Variants in LGSN observed in about 807,000 individuals in gnomAD.
LGSN encodes lengsin, lens protein with glutamine synthetase domain.
Under a neutral mutation model 19.5 loss-of-function variants are expected in LGSN, and 21 were observed. That is an observed-to-expected ratio of 1.07 (90% CI 0.76 to 1.55). The LOEUF (loss-of-function observed/expected upper bound fraction) is 1.55, where lower values mean the gene tolerates loss of function less well. LGSN is among the 40% of genes most tolerant of loss of function. The pLI is 0.00. For synonymous variants in LGSN, 257 were observed against 215.6 expected, an observed-to-expected ratio of 1.19 and a Z score of -1.68; for missense variants, 673 against 608.5, an observed-to-expected ratio of 1.11 and a Z score of -1.12.
At chr6:63,412,509 A>AGAAAGAAG in the LGSN span, among the ~76,000 whole-genome samples, 38 of 116,956 alleles carry the variant, frequency 3.2e-4, no homozygotes, top group Non-Finnish European at 4.8e-4. Flanking sequence ...AAAGAAAGAA[A>AGAAAGAAG]GAAAGAAAGA....
the LGSN span, among the ~76,000 whole-genome samples, chr6:63,519,935 A>G: frequency 4.6e-5 from 7 of 152,346 alleles, 1 homozygote; most frequent in African/African-American, 1.7e-4. Context: ...TAGACATTCA[A>G]CACATTAAAA....
chr6:63,339,609 C>T, the LGSN span, among the ~76,000 whole-genome samples: 1 of 152,220 alleles, frequency 6.6e-6, no homozygotes, highest in African/African-American at 2.4e-5. Context: ...ATAGTTCAGT[C>T]TTGGTTTTTT....
chr6:63,514,801 A>C, the LGSN span, among the ~76,000 whole-genome samples: 30 of 152,202 alleles, frequency 2.0e-4, no homozygotes, highest in Admixed American at 3.9e-4. Flanking sequence ...CCTGGGCTCC[A>C]GTGATCCTCC....
chr6:63,535,512 A>G, the LGSN span, among the ~76,000 whole-genome samples: 1 of 152,228 alleles, frequency 6.6e-6, no homozygotes, highest in African/African-American at 2.4e-5. Flanking sequence ...TCCTTAATTA[A>G]ATGGTGAATA....
chr6:63,365,646 T>G, the LGSN span, among the ~76,000 whole-genome samples: 1 of 152,136 alleles, frequency 6.6e-6, no homozygotes, highest in Non-Finnish European at 1.5e-5. Flanking sequence ...AAAGAGAATT[T>G]TAGACCAATA....
the LGSN span, among the ~76,000 whole-genome samples, chr6:63,496,966 A>G: frequency 6.6e-6 from 1 of 152,084 alleles, no homozygotes. Flanking sequence ...AAAGATTTGA[A>G]GGTTACAACA....
At chr6:63,362,244 T>G in the LGSN span, among the ~76,000 whole-genome samples, 3 of 152,026 alleles carry the variant, frequency 2.0e-5, no homozygotes, top group Non-Finnish European at 4.4e-5. Context: ...TAAGAGGAGA[T>G]GCCAAGATCG....
the LGSN span, among the ~76,000 whole-genome samples, chr6:63,326,599 C>T: frequency 0.027 from 4,125 of 152,290 alleles, 190 homozygotes; most frequent in African/African-American, 0.095. Context: ...TCAGGCCCCA[C>T]AGGAAGGCAG....
chr6:63,410,527 A>G, the LGSN span, among the ~76,000 whole-genome samples: 1 of 152,224 alleles, frequency 6.6e-6, no homozygotes, highest in African/African-American at 2.4e-5. Flanking sequence ...TATCAATGGT[A>G]TAAAGCCAAT....
chr6:63,367,117 G>T, the LGSN span, among the ~76,000 whole-genome samples: 1 of 152,150 alleles, frequency 6.6e-6, no homozygotes, highest in African/African-American at 2.4e-5. Context: ...AAGAGCTTCT[G>T]CACAGCAAAA....
At chr6:63,412,464 AAAAGAGAG>A in the LGSN span, among the ~76,000 whole-genome samples, 168 of 128,664 alleles carry the variant, frequency 1.3e-3, 2 homozygotes, top group African/African-American at 6.1e-3. Flanking sequence ...GAAAGAAAGA[AAAAGAGAG>A]AGAAGAAAGA....
At chr6:63,498,826 G>C in the LGSN span, among the ~76,000 whole-genome samples, 31 of 152,056 alleles carry the variant, frequency 2.0e-4, no homozygotes, top group Non-Finnish European at 2.4e-4. Flanking sequence ...AGTGGTATTG[G>C]GTTGATTAAC....
chr6:63,406,436 A>G, the LGSN span, among the ~76,000 whole-genome samples: 19 of 151,970 alleles, frequency 1.3e-4, no homozygotes, highest in South Asian at 4.1e-4. Context: ...TACTGGGTAC[A>G]TAATGAAATG....
the LGSN span, among the ~76,000 whole-genome samples, chr6:63,408,972 G>T: frequency 6.6e-6 from 1 of 152,156 alleles, no homozygotes; most frequent in Non-Finnish European, 1.5e-5. Flanking sequence ...GTGCAGTAGT[G>T]CAATTATAGC....
At chr6:63,366,972 A>G in the LGSN span, among the ~76,000 whole-genome samples, 79 of 152,162 alleles carry the variant, frequency 5.2e-4, 1 homozygote, top group East Asian at 0.013. Flanking sequence ...TGTTAGACCT[A>G]AAACCATAAA....
chr6:63,401,335 G>A, the LGSN span, among the ~76,000 whole-genome samples: 1 of 151,642 alleles, frequency 6.6e-6, no homozygotes, highest in African/African-American at 2.4e-5. Context: ...AGGAAGTTGA[G>A]GCTGCAGTAA....
chr6:63,410,436 A>C, the LGSN span, among the ~76,000 whole-genome samples: 2 of 152,330 alleles, frequency 1.3e-5, no homozygotes, highest in East Asian at 3.9e-4. Context: ...GAGATACCTG[A>C]GATCATTAGT....
the LGSN span, among the ~76,000 whole-genome samples, chr6:63,503,691 G>T: frequency 6.6e-6 from 1 of 152,180 alleles, no homozygotes; most frequent in Non-Finnish European, 1.5e-5. Flanking sequence ...GAGGCTGGTG[G>T]ATTGCTTGAG....
At chr6:63,478,389 T>C in the LGSN span, among the ~76,000 whole-genome samples, 1 of 152,154 alleles carries the variant, frequency 6.6e-6, no homozygotes, top group Non-Finnish European at 1.5e-5. Flanking sequence ...AATGGATACA[T>C]GGTTTCTTTT....
Sources: allele counts gnomAD v4.1 joint callset (sites outside exome capture counted in the v4.1 genomes callset), GRCh38; gene constraint gnomAD v4.1.1; transcripts MANE v1.5; gene names NCBI Gene and HGNC (gene_info 2026-07-23, HGNC 2026-07-21).